The following TUFT1 variants were observed in gnomAD, a reference collection of about 807,000 sequenced individuals.
TUFT1 encodes the protein tuftelin 1, also known as tuftelin.
In TUFT1, 43 loss-of-function variants were observed where a neutral mutation model predicts 57.8. That is an observed-to-expected ratio of 0.74 (90% CI 0.58 to 0.96). The LOEUF (loss-of-function observed/expected upper bound fraction) is 0.96, where lower values mean the gene tolerates loss of function less well. Among genes scored for constraint, TUFT1 ranks in the 40% least tolerant of loss-of-function variants. The pLI is 0.00. For synonymous variants in TUFT1, 166 were observed against 176.7 expected, an observed-to-expected ratio of 0.94 and a Z score of 0.48; for missense variants, 459 against 489.0, an observed-to-expected ratio of 0.94 and a Z score of 0.58.
At chr1:151,581,173 C>T in intron 12 of TUFT1, 131 bp downstream of exon 12, 2 of 834,740 alleles carry the variant, frequency 2.4e-6, no homozygotes, top group South Asian at 1.8e-5. Context: ...TCAGTCTGAC[C>T]CACTGTTTGC....
intron 10 of TUFT1, 98 bp from the exon 11 acceptor site, chr1:151,579,551 C>T: frequency 8.6e-7 from 1 of 1,165,890 alleles, no homozygotes; most frequent in Non-Finnish European, 1.2e-6. Context: ...TATGGAGTTG[C>T]AGGGCTCTGC....
chr1:151,562,187 C>T, intron 2 of TUFT1, 22 bp downstream of exon 2: 1 of 1,603,370 alleles, frequency 6.2e-7, no homozygotes, highest in Non-Finnish European at 8.5e-7. Flanking sequence ...TTCTGGTGGG[C>T]AAGGCCCCCT....
intron 1 of TUFT1, among the ~76,000 whole-genome samples, chr1:151,554,110 A>T (rs528860522): frequency 6.6e-6 from 1 of 152,218 alleles, no homozygotes; most frequent in South Asian, 2.1e-4. Flanking sequence ...GAGAACTCTT[A>T]TATACCCTTC....
chr1:151,566,104 G>C (rs1666067958), intron 5 of TUFT1, 59 bp from the exon 6 acceptor site: 1 of 1,131,774 alleles, frequency 8.8e-7, no homozygotes, highest in Non-Finnish European at 1.2e-6. Flanking sequence ...GGAGAATAAT[G>C]TTTCAAAGTT....
chr1:151,540,316 G>C lies in TUFT1; in HGVS notation c.-51G>C. The C allele has an allele frequency of 6.2e-7, 1 of 1,613,006 alleles. No individual in the cohort carries two copies. Among genetic ancestry groups the C allele is most frequent in the Non-Finnish European group, 8.5e-7 (1 of 1,179,290 alleles). On this transcript the variant is annotated 5_prime_UTR_variant, in exon 1 of 13. Transcript: ENST00000368849. ...TTCCGCGCGCGCCCGCCCAGTTGGA[G>C]CCAGACAGCGGGGTGGACAAGTGGC...
rs1016338759 is a variant in TUFT1, at chr1:151,582,000, C to T, written c.*293C>T. ...CTATTTTTCTCTGTAGAGAGCCTCC[C>T]TTCTGTTGTAGACTGGACTCTGGCT... On this transcript the variant is annotated 3_prime_UTR_variant, in exon 13 of 13. Transcript: ENST00000368849. 7.0e-6 allele frequency: 4 copies of T among 574,170 alleles called. No homozygotes were observed. Among genetic ancestry groups the T allele is most frequent in the African/African-American group, 1.8e-5 (1 of 54,126 alleles). 35.6% of individuals were successfully genotyped at this position (574,170 alleles called of 1,614,324 possible). A position where few individuals can be genotyped will look rare whatever the true frequency, so the allele number is the denominator to read the frequency against.
chr1:151,581,806 C>G lies in TUFT1; in HGVS notation c.*99C>G, dbSNP rs1666654625. ...ACACTGCCTTTGACTTCCTGACTGT[C>G]CCCTGGCTGCACCCAGGACTTCGGG... On this transcript the variant is annotated 3_prime_UTR_variant, in exon 13 of 13. Coordinates refer to ENST00000368849, the MANE Select transcript of TUFT1 (RefSeq NM_020127.3). 3.1e-6 allele frequency: 4 copies of G among 1,296,758 alleles called. No homozygotes were observed. The highest frequency in any genetic ancestry group is 4.4e-6 in the Non-Finnish European group (4 of 902,988). 80.3% of individuals were successfully genotyped at this position (1,296,758 alleles called of 1,614,324 possible).
At chr1:151,543,090 T>C (rs1308395212) in intron 1 of TUFT1, among the ~76,000 whole-genome samples, 1 of 152,178 alleles carries the variant, frequency 6.6e-6, no homozygotes, top group Non-Finnish European at 1.5e-5. Context: ...CCTTAGCGTA[T>C]CACATGTGGA....
At chr1:151,548,475 G>C (rs1440570882) in intron 1 of TUFT1, among the ~76,000 whole-genome samples, 3 of 151,958 alleles carry the variant, frequency 2.0e-5, no homozygotes, top group Non-Finnish European at 4.4e-5. Context: ...GCTAATTTTT[G>C]TATTTTTAGT....
chr1:151,542,406 T>TTC, intron 1 of TUFT1, among the ~76,000 whole-genome samples: 1 of 151,254 alleles, frequency 6.6e-6, no homozygotes, highest in East Asian at 2.0e-4. Context: ...TTTTTTTTTT[T>TTC]CTGTTGGTAG....
In TUFT1 at chr1:151,562,646, A is replaced by G. The variant is rs773230306; in HGVS notation, c.197A>G (p.Glu66Gly). ...SHSAGHSLAS[E>G]LVESHDGHEE... ...TCAGCTGGTCATTCTCTGGCTTCAG[A>G]ACTGGTGGAGTCCCATGATGGACAT... Residue 66 changes from glutamate to glycine, a missense_variant, in exon 3 of 13, where the codon GAA (glutamate) becomes GGA (glycine). Transcript: ENST00000368849. The G allele has an allele frequency of 6.2e-7, 1 of 1,613,134 alleles. No homozygotes were observed. Among genetic ancestry groups the G allele is most frequent in the Non-Finnish European group, 8.5e-7 (1 of 1,179,988 alleles).
intron 1 of TUFT1, among the ~76,000 whole-genome samples, chr1:151,553,118 G>A (rs981685983): frequency 6.6e-6 from 1 of 151,552 alleles, no homozygotes; most frequent in Non-Finnish European, 1.5e-5. Flanking sequence ...TTTAGATGGA[G>A]TCTTGCTCTT....
intron 1 of TUFT1, chr1:151,557,866 G>A: frequency 1.4e-6 from 1 of 736,280 alleles, no homozygotes; most frequent in Non-Finnish European, 2.5e-6. Flanking sequence ...CAAAGCTGAG[G>A]CTGGGGCTGG....
Position 151,566,194 on chromosome 1 carries a change from A to G in TUFT1, c.446A>G (p.Gln149Arg), listed in dbSNP as rs1297357114. ...CTAGAAAAGCCAAATGGCTTTAGTCAGAGTCCCACAGCCCTGTACAGCAGC... is the reference window on the plus strand; with the variant it reads ...CTAGAAAAGCCAAATGGCTTTAGTCGGAGTCCCACAGCCCTGTACAGCAGC... ...VVLEKPNGFS[Q>R]SPTALYSSPP... Residue 149 changes from glutamine to arginine, a missense_variant, in exon 6 of 13, where the codon CAG (glutamine) becomes CGG (arginine). Coordinates refer to ENST00000368849, the MANE Select transcript of TUFT1 (RefSeq NM_020127.3). 6.2e-7 allele frequency: 1 copy of G among 1,611,996 alleles called. No individual in the cohort carries two copies.
intron 3 of TUFT1, 130 bp from the exon 4 acceptor site, chr1:151,563,774 G>A (rs181185215): frequency 6.3e-4 from 479 of 766,352 alleles, no homozygotes; most frequent in Admixed American, 1.2e-3. Flanking sequence ...CTTCTGATCC[G>A]AATCACCAAA....
intron 7 of TUFT1, 154 bp downstream of exon 7, chr1:151,569,924 C>CTCTG: frequency 6.2e-6 from 4 of 644,410 alleles, no homozygotes; most frequent in Non-Finnish European, 1.1e-5. Flanking sequence ...GTCTGCTTTT[C>CTCTG]CCTCTCCTGG....
intron 2 of TUFT1, 113 bp downstream of exon 2, chr1:151,562,278 C>A: frequency 1.1e-6 from 1 of 928,752 alleles, no homozygotes; most frequent in Non-Finnish European, 1.7e-6. Flanking sequence ...AGCGTGGGAG[C>A]CCCTCCTTTC....
chr1:151,576,022 A>G (rs1666452479), intron 9 of TUFT1, among the ~76,000 whole-genome samples: 1 of 152,178 alleles, frequency 6.6e-6, no homozygotes, highest in African/African-American at 2.4e-5. Context: ...GAGAGACCAA[A>G]AGGACTAGAT....
At chr1:151,543,638 G>A (rs940663004) in intron 1 of TUFT1, among the ~76,000 whole-genome samples, 1 of 152,158 alleles carries the variant, frequency 6.6e-6, no homozygotes, top group Admixed American at 6.5e-5. Flanking sequence ...AGGATGTTCT[G>A]GGGCCTGGGT....
Sources: allele counts gnomAD v4.1 joint callset (sites outside exome capture counted in the v4.1 genomes callset), GRCh38; gene constraint gnomAD v4.1.1; transcripts MANE v1.5; gene names NCBI Gene and HGNC (gene_info 2026-07-23, HGNC 2026-07-21).